PTPRM: variants seen among roughly 807,000 people sequenced by gnomAD.
The protein encoded by PTPRM is protein tyrosine phosphatase receptor type M.
PTPRM carries 47 observed loss-of-function variants against 186.7 expected under a neutral mutation model. The ratio of observed to expected loss-of-function variants is 0.25; its 90% CI spans 0.20 to 0.32. The LOEUF is 0.32. Among genes scored for constraint, PTPRM ranks in the 10% least tolerant of loss-of-function variants. The probability of loss-of-function intolerance (pLI) is 1.00; values close to 1 mark genes in which losing one functional copy is unlikely to be tolerated. For missense variants in PTPRM, 1,494 were observed against 1,865.0 expected, an observed-to-expected ratio of 0.80 and a Z score of 3.66; for synonymous variants, 668 against 674.9, an observed-to-expected ratio of 0.99 and a Z score of 0.16.
Position 7,774,227 on chromosome 18 carries a change from T to A in PTPRM, c.152T>A (p.Val51Glu). ...GGTGATGACTTCAATTGGGAGCAAG[T>A]GAACACCTTGACTAAACCGACTTCT... is the stretch of plus-strand genomic sequence containing the variant. ...SEGDDFNWEQ[V>E]NTLTKPTSDP... is the part of the protein sequence containing the mutation. Residue 51 changes from valine to glutamate, a missense_variant, in exon 2 of 33, where the codon GTG becomes GAG. Val to Glu is a moderately radical substitution (Grantham distance 121, BLOSUM62 -2). This residue lies in a region of PTPRM where 296 missense variants were observed against 345.5 expected (regional missense o/e 0.86). Coordinates refer to ENST00000580170, the MANE Select transcript of PTPRM (RefSeq NM_001105244.2). 1 of 1,614,122 alleles carries A rather than the reference T, an allele frequency of 6.2e-7. No individual in the cohort carries two copies. The highest frequency in any genetic ancestry group is 8.5e-7 in the Non-Finnish European group (1 of 1,179,962).
At chr18:8,178,620 CTAAA>C (rs2093524114) in intron 14 of PTPRM, among the ~76,000 whole-genome samples, 1 of 151,814 alleles carries the variant, frequency 6.6e-6, no homozygotes, top group African/African-American at 2.4e-5. Context: ...CTCGTCTCTA[CTAAA>C]AATACAAAAA....
At position 8,234,922 on chromosome 18, in the gene PTPRM, C is replaced by T. The variant is rs939106817; in HGVS notation, c.2301-9136C>T. Among the ~76,000 whole-genome samples the T allele has an allele frequency of 2.0e-5, 3 of 152,044 alleles. No homozygotes were observed. The East Asian group carries it at 5.8e-4, about 29-fold the overall frequency. On this transcript the variant is annotated intron_variant, in intron 14 of 32. Coordinates refer to ENST00000580170, the MANE Select transcript of PTPRM (RefSeq NM_001105244.2). ...TCAAATGTTGAACCAGCCTCCCATACCTGAAATATATTCTACTTGGCCATG... is the reference window on the plus strand; with the variant it reads ...TCAAATGTTGAACCAGCCTCCCATATCTGAAATATATTCTACTTGGCCATG...
At chr18:8,082,109 C>T (rs777299087) in intron 9 of PTPRM, among the ~76,000 whole-genome samples, 14 of 152,040 alleles carry the variant, frequency 9.2e-5, no homozygotes, top group Non-Finnish European at 1.8e-4. Context: ...TGCACACACC[C>T]GCTCTCCCCA....
At chr18:7,725,203 A>G (rs1029468440) in intron 1 of PTPRM, among the ~76,000 whole-genome samples, 3 of 152,168 alleles carry the variant, frequency 2.0e-5, no homozygotes, top group African/African-American at 7.2e-5. Context: ...CTCCCTACTG[A>G]AATTGTACAG....
In PTPRM at chr18:8,185,865, G is replaced by A. The variant is rs553576152; in HGVS notation, c.2300+42086G>A. Among the ~76,000 whole-genome samples the A allele has an allele frequency of 2.2e-3, 330 of 152,250 alleles. 1 individual carries two copies. Among genetic ancestry groups the A allele is most frequent in the Non-Finnish European group, 3.0e-3 (206 of 68,020 alleles). ...TAAAATACATAGGTACTATGTTAAC[G>A]TATAAATGAAATGTGTCTCCCAATG... On this transcript the variant is annotated intron_variant, in intron 14 of 32. Transcript: ENST00000580170.
intron 20 of PTPRM, among the ~76,000 whole-genome samples, chr18:8,307,381 C>A (rs979662101): frequency 1.3e-5 from 2 of 152,194 alleles, no homozygotes; most frequent in African/African-American, 4.8e-5. Flanking sequence ...GAGACTTACC[C>A]CACGCTCACT....
At chr18:7,634,249 T>A (rs2038260110) in intron 1 of PTPRM, among the ~76,000 whole-genome samples, 1 of 152,178 alleles carries the variant, frequency 6.6e-6, no homozygotes. Context: ...TTTTCCCATT[T>A]TGTTCACTGC....
At chr18:8,272,878 G>T (rs2094789624) in intron 19 of PTPRM, among the ~76,000 whole-genome samples, 1 of 151,884 alleles carries the variant, frequency 6.6e-6, no homozygotes, top group Admixed American at 6.6e-5. Context: ...AATATATTTT[G>T]GAGCTAAGTT....
At chr18:7,596,858 C>G (rs1333576346) in intron 1 of PTPRM, among the ~76,000 whole-genome samples, 1 of 149,320 alleles carries the variant, frequency 6.7e-6, no homozygotes, top group Non-Finnish European at 1.5e-5. Context: ...TTTTTTTTTC[C>G]TTTATTTTCT....
intron 2 of PTPRM, among the ~76,000 whole-genome samples, chr18:7,833,752 C>CAAG (rs2045881619): frequency 5.7e-5 from 1 of 17,610 alleles, no homozygotes; most frequent in Admixed American, 8.1e-4. Flanking sequence ...AAAACAACAA[C>CAAG]AACAACAACA....
rs1568383678 is a variant in PTPRM at position 8,126,015 on chromosome 18, A to AT, written c.2167+11189dup. Among the ~76,000 whole-genome samples, 26 of 24,100 alleles carry AT rather than the reference A, an allele frequency of 1.1e-3. 3 individuals carry two copies. Among genetic ancestry groups the AT allele is most frequent in the Admixed American group, 2.2e-3 (3 of 1,366 alleles). 15.8% of individuals were successfully genotyped at this position (24,100 alleles called of 152,430 possible). On this transcript the variant is annotated intron_variant, in intron 13 of 32. Transcript: ENST00000580170. ...TATATATATATATATATATATATAT[A>AT]TATATATATATATTTTAAATCAGTA...
At chr18:7,749,442 C>T (rs2041106017) in intron 1 of PTPRM, 1 of 152,088 alleles carries the variant, frequency 6.6e-6, no homozygotes, top group African/African-American at 2.4e-5. Flanking sequence ...CCAGAACCTT[C>T]CTGGTTTCCT....
chr18:8,043,260 A>G (rs1331131906), intron 7 of PTPRM, among the ~76,000 whole-genome samples: 1 of 152,130 alleles, frequency 6.6e-6, no homozygotes, highest in East Asian at 1.9e-4. Flanking sequence ...CCTCTTTCTT[A>G]GTAGTATGCC....
chr18:8,395,785 A>G (rs1309472043), intron 32 of PTPRM, among the ~76,000 whole-genome samples: 1 of 152,182 alleles, frequency 6.6e-6, no homozygotes, highest in East Asian at 1.9e-4. Context: ...CCCAAATTCT[A>G]GTCTCAACTC....
chr18:7,993,322 A>G (rs1241835854), intron 7 of PTPRM, among the ~76,000 whole-genome samples: 3 of 152,102 alleles, frequency 2.0e-5, no homozygotes, highest in Admixed American at 1.3e-4. Context: ...ACCTGAAATA[A>G]TAAAAATTTC....
chr18:8,349,940 T>A (rs1270248754), intron 23 of PTPRM, among the ~76,000 whole-genome samples: 1 of 152,222 alleles, frequency 6.6e-6, no homozygotes, highest in Non-Finnish European at 1.5e-5. Flanking sequence ...CACCTTGTGC[T>A]GTTGTGGTCT....
intron 2 of PTPRM, among the ~76,000 whole-genome samples, chr18:7,871,848 A>G (rs929707507): frequency 3.3e-5 from 5 of 152,218 alleles, no homozygotes; most frequent in African/African-American, 1.2e-4. Context: ...ACTTTGAATC[A>G]GTGGTGCTTA....
At chr18:8,037,144 T>C (rs2086384802) in intron 7 of PTPRM, among the ~76,000 whole-genome samples, 1 of 152,192 alleles carries the variant, frequency 6.6e-6, no homozygotes, top group Non-Finnish European at 1.5e-5. Flanking sequence ...GAGAAAAGTC[T>C]ATTTTTAGGG....
Position 8,289,621 on chromosome 18 carries a change from C to CACATATATATATACACAT in PTPRM, c.2755-6746_2755-6745insCATATATATATACACATA, listed in dbSNP as rs1555845915. Among the ~76,000 whole-genome samples the CACATATATATATACACAT allele has an allele frequency of 2.1e-4, 27 of 126,594 alleles. 2 individuals carry two copies. The highest frequency in any genetic ancestry group is 8.9e-4 in the African/African-American group (26 of 29,230). The allele number at this position is 126,594 out of a possible 152,430, so 83.1% of individuals were successfully genotyped here. A position where few individuals can be genotyped will look rare whatever the true frequency, so the allele number is the denominator to read the frequency against. ...ATATATACACACATATATATATACA[C>CACATATATATATACACAT]ATATATATATACACACATATATATA... On this transcript the variant is annotated intron_variant, in intron 19 of 32. Transcript: ENST00000580170.
Sources: allele counts gnomAD v4.1 joint callset (sites outside exome capture counted in the v4.1 genomes callset), GRCh38; gene constraint gnomAD v4.1.1; regional missense constraint gnomAD v4.1.1; transcripts MANE v1.5; gene names NCBI Gene and HGNC (gene_info 2026-07-23, HGNC 2026-07-21).